The following BDH2 variants were observed in gnomAD, a reference collection of about 807,000 sequenced individuals.
BDH2 encodes the protein dehydrogenase/reductase SDR family member 6.
BDH2 carries 24 observed loss-of-function variants against 33.2 expected under a neutral mutation model. That is an observed-to-expected ratio of 0.72 (90% CI 0.52 to 1.02). The LOEUF is 1.02. Ranked by LOEUF, BDH2 falls within the 50% of genes least tolerant of loss-of-function variation. BDH2 has a pLI of 0.00. For missense variants in BDH2, 249 were observed against 301.6 expected, an observed-to-expected ratio of 0.83 and a Z score of 1.29; for synonymous variants, 81 against 101.6, an observed-to-expected ratio of 0.80 and a Z score of 1.22.
intron 5 of BDH2, among the ~76,000 whole-genome samples, chr4:103,088,988 C>G (rs923856847): frequency 9.2e-5 from 14 of 152,270 alleles, no homozygotes; most frequent in Middle Eastern, 3.4e-3. Flanking sequence ...TCTGGTGGAG[C>G]CTGGATTCTG....
intron 9 of BDH2, among the ~76,000 whole-genome samples, chr4:103,081,364 C>A (rs1045367224): frequency 3.3e-5 from 5 of 152,222 alleles, no homozygotes; most frequent in Admixed American, 6.5e-5. Flanking sequence ...GTGGCGCAAT[C>A]CCGGCTCACT....
At chr4:103,089,035 C>A (rs1170128196) in intron 5 of BDH2, among the ~76,000 whole-genome samples, 1 of 152,162 alleles carries the variant, frequency 6.6e-6, no homozygotes, top group Non-Finnish European at 1.5e-5. Context: ...AACTTGTTCT[C>A]TGCCTTTTGA....
rs1312451589 is a variant in BDH2, at chr4:103,079,621, T to A, written c.*81A>T. 7.4e-7 allele frequency: 1 copy of A among 1,344,214 alleles called. No individual in the cohort carries two copies. The highest frequency in any genetic ancestry group is 1.4e-5 in the African/African-American group (1 of 69,140). The allele number at this position is 1,344,214 out of a possible 1,614,324, so 83.3% of individuals were successfully genotyped here. A position where few individuals can be genotyped will look rare whatever the true frequency, so the allele number is the denominator to read the frequency against. On this transcript the variant is annotated 3_prime_UTR_variant, in exon 10 of 10. Transcript: ENST00000296424. ...TAACATGTGATTAACAGGAAGGAGA[T>A]GATTGGTGAGTTTTCTTCGTAACCA...
At chr4:103,086,176 A>G in intron 6 of BDH2, 5 of 1,154,798 alleles carry the variant, frequency 4.3e-6, no homozygotes, top group Non-Finnish European at 5.3e-6. Context: ...TGCTCAATAC[A>G]CTATTTTAAA....
At chr4:103,092,351 A>G (rs567855755) in intron 4 of BDH2, 1 of 489,580 alleles carries the variant, frequency 2.0e-6, no homozygotes, top group African/African-American at 1.9e-5. Flanking sequence ...TGTAACACAT[A>G]ATACAGCTTT....
intron 1 of BDH2, among the ~76,000 whole-genome samples, chr4:103,096,694 C>G (rs1179189195): frequency 1.3e-5 from 2 of 152,030 alleles, no homozygotes; most frequent in Non-Finnish European, 2.9e-5. Flanking sequence ...GTGCCTGCCA[C>G]CACGCCCAGC....
chr4:103,095,343 G>GAACATC, intron 2 of BDH2, 62 bp from the exon 3 acceptor site: 1 of 1,226,828 alleles, frequency 8.2e-7, no homozygotes, highest in Non-Finnish European at 1.2e-6. Context: ...CTCATGAATG[G>GAACATC]AACATCATGT....
intron 1 of BDH2, chr4:103,097,595 A>T (rs1748472955): frequency 6.6e-6 from 1 of 152,248 alleles, no homozygotes; most frequent in Admixed American, 6.5e-5. Context: ...GCAAAAAGAA[A>T]GGGAGGAGCA....
intron 5 of BDH2, 34 bp downstream of exon 5, chr4:103,091,143 G>A: frequency 7.2e-7 from 1 of 1,391,982 alleles, no homozygotes; most frequent in Non-Finnish European, 1.0e-6. Context: ...ACCTAATGTG[G>A]TGCTTATCCT....
chr4:103,084,112 T>C (rs552891525), intron 7 of BDH2, among the ~76,000 whole-genome samples: 7 of 152,354 alleles, frequency 4.6e-5, no homozygotes, highest in African/African-American at 1.7e-4. Context: ...CTTTCCTCAA[T>C]AGCCTCCTTA....
chr4:103,085,530 C>G, intron 6 of BDH2, 68 bp from the exon 7 acceptor site: 4 of 1,472,388 alleles, frequency 2.7e-6, no homozygotes, highest in Non-Finnish European at 2.8e-6. Flanking sequence ...AAAGGTAACA[C>G]AAATAAGTTT....
At chr4:103,081,442 C>T (rs763874208) in intron 9 of BDH2, among the ~76,000 whole-genome samples, 14 of 152,258 alleles carry the variant, frequency 9.2e-5, no homozygotes, top group East Asian at 1.9e-4. Flanking sequence ...GGACTACAGG[C>T]GCCCGCCACC....
Position 103,085,361 on chromosome 4 carries a change from A to G in BDH2, c.520T>C (p.Cys174Arg). ...GTGCCTTACTCACCTGGGCACACAC[A>G]GTTGCACCTGATGCCCTGCTGGATG... ...DFIQQGIRCN[C>R]VCPGTVDTPS... The change falls in exon 7 of 10, where the codon TGT becomes CGT. Residue 174 changes from cysteine (C) to arginine (R), a missense_variant. Coordinates refer to ENST00000296424, the MANE Select transcript of BDH2 (RefSeq NM_020139.4). 1 of 1,610,292 alleles carries G rather than the reference A, an allele frequency of 6.2e-7. No individual in the cohort carries two copies. Among genetic ancestry groups the G allele is most frequent in the Non-Finnish European group, 8.5e-7 (1 of 1,178,910 alleles).
chr4:103,099,539 G>A (rs1450863136), intron 1 of BDH2: 2 of 152,184 alleles, frequency 1.3e-5, no homozygotes, highest in East Asian at 3.9e-4. Flanking sequence ...GGAAGCCATT[G>A]TTTTCAAGAG....
rs552112453 is a variant in BDH2 at position 103,088,694 on chromosome 4, T to C, written c.358-2154A>G. Reference sequence around the variant, plus strand: ...AGGGGCTAGAAATACCCCTTAAGAGTCCCTGGAGCTGTATCTAGTTAGTCT... The same window carrying C: ...AGGGGCTAGAAATACCCCTTAAGAGCCCCTGGAGCTGTATCTAGTTAGTCT... On this transcript the variant is annotated intron_variant, in intron 5 of 9. Transcript: ENST00000296424. 8.6e-5 allele frequency among the ~76,000 whole-genome samples: 13 copies of C among 152,034 alleles called. 1 individual carries two copies. In the Middle Eastern group the frequency reaches 0.017, roughly 199 times the overall value.
rs1352771572 is a variant in BDH2, at chr4:103,084,117, TC to T, written c.533-1189del. Among the ~76,000 whole-genome samples the T allele has an allele frequency of 1.1e-4, 16 of 152,326 alleles. No individual in the cohort carries two copies. The East Asian group carries it at 2.9e-3, about 28-fold the overall frequency. On this transcript the variant is annotated intron_variant, in intron 7 of 9. Transcript: ENST00000296424. The stretch of plus-strand genomic sequence containing the variant: ...ATTTTCCTCACTTTCCTCAATAGCC[TC>T]CTTAAAGTCCACAGTTTTACCAACA...
At position 103,079,577 on chromosome 4, in the gene BDH2, A is replaced by G. The variant is rs1560567949; in HGVS notation, c.*125T>C. 10 of 896,986 alleles carry G rather than the reference A, an allele frequency of 1.1e-5. No individual in the cohort carries two copies. Among genetic ancestry groups the G allele is most frequent in the Non-Finnish European group, 8.9e-6 (5 of 563,642 alleles). The allele number at this position is 896,986 out of a possible 1,614,324, so 55.6% of individuals were successfully genotyped here. A position where few individuals can be genotyped will look rare whatever the true frequency, so the allele number is the denominator to read the frequency against. ...GACTCTTGCAAACAGTGACATCATT[A>G]AAAAGAGCTTATTTTCATTAACATG... On this transcript the variant is annotated 3_prime_UTR_variant, in exon 10 of 10. Coordinates refer to ENST00000296424, the MANE Select transcript of BDH2 (RefSeq NM_020139.4).
chr4:103,085,476 A>G lies in BDH2; in HGVS notation c.419-14T>C, dbSNP rs751989226. On this transcript the variant is annotated splice_polypyrimidine_tract_variant and intron_variant, in intron 6 of 9. Transcript: ENST00000296424. ...TGTTCACAACTCCTGAGGGTGGAGG[A>G]AAGGTTCAACAATTGAAGGAATAAA... 1.2e-5 allele frequency: 19 copies of G among 1,600,798 alleles called. No homozygotes were observed. In the South Asian group the frequency reaches 2.0e-4, roughly 17 times the overall value.
intron 8 of BDH2, 74 bp downstream of exon 8, chr4:103,082,797 A>G (rs1043220178): frequency 4.1e-5 from 53 of 1,301,864 alleles, no homozygotes; most frequent in Middle Eastern, 1.8e-4. Context: ...GTCTCTATGA[A>G]TTTGTCTGCT....
Sources: gnomAD v4.1 joint callset for allele counts (sites outside exome capture counted in the v4.1 genomes callset) on GRCh38, gnomAD v4.1.1 for gene constraint, MANE v1.5 for transcripts, NCBI Gene and HGNC (gene_info 2026-07-23, HGNC 2026-07-21) for gene names.